SRD5A2: variants seen among roughly 807,000 people sequenced by gnomAD.
SRD5A2 encodes the protein steroid 5 alpha-reductase 2.
A neutral mutation model predicts 27.4 loss-of-function variants in SRD5A2; 30 were observed. The observed-to-expected ratio is 1.10, with a 90% CI of 0.82 to 1.49. The LOEUF (loss-of-function observed/expected upper bound fraction) is 1.49, where lower values mean the gene tolerates loss of function less well. Among genes scored for constraint, SRD5A2 ranks in the 40% most tolerant of loss-of-function variants. SRD5A2 has a pLI of 0.00. For missense variants in SRD5A2, 348 were observed against 323.4 expected (o/e 1.08, Z -0.58); for synonymous variants, 141 against 133.6 (o/e 1.06, Z -0.38).
intron 1 of SRD5A2, among the ~76,000 whole-genome samples, chr2:31,557,522 C>A (rs28383013): frequency 7.2e-5 from 11 of 151,912 alleles, no homozygotes; most frequent in Admixed American, 7.2e-4. Context: ...AGGGTTATAC[C>A]ATAGGAAAAA....
At chr2:31,529,816 T>G (rs975667909) in intron 3 of SRD5A2, among the ~76,000 whole-genome samples, 4 of 152,102 alleles carry the variant, frequency 2.6e-5, no homozygotes, top group Non-Finnish European at 5.9e-5. Flanking sequence ...ACCTCTTACC[T>G]CCCCGCTCCT....
At chr2:31,535,634 T>C (rs1572632818) in intron 1 of SRD5A2, among the ~76,000 whole-genome samples, 1 of 152,196 alleles carries the variant, frequency 6.6e-6, no homozygotes, top group African/African-American at 2.4e-5. Context: ...CCTTCACACC[T>C]GGACTCAGGT....
chr2:31,631,413 T>C, the SRD5A2 span, among the ~76,000 whole-genome samples: 1 of 152,130 alleles, frequency 6.6e-6, no homozygotes, highest in Non-Finnish European at 1.5e-5. Flanking sequence ...TAGAGGACAC[T>C]CTACGACTAA....
At chr2:31,660,243 C>G in the SRD5A2 span, among the ~76,000 whole-genome samples, 1 of 151,904 alleles carries the variant, frequency 6.6e-6, no homozygotes, top group African/African-American at 2.4e-5. Context: ...AGTTCAGGAG[C>G]TTGACAATAT....
At chr2:31,540,742 G>A (rs1257455842) in intron 1 of SRD5A2, among the ~76,000 whole-genome samples, 1 of 152,210 alleles carries the variant, frequency 6.6e-6, no homozygotes, top group Non-Finnish European at 1.5e-5. Context: ...TTAGCTCTTA[G>A]CACAGTAACA....
At chr2:31,649,780 T>C in the SRD5A2 span, among the ~76,000 whole-genome samples, 1 of 152,120 alleles carries the variant, frequency 6.6e-6, no homozygotes, top group South Asian at 2.1e-4. Flanking sequence ...TCCCAAGCCA[T>C]AGGATATTCA....
At chr2:31,609,680 G>C in the SRD5A2 span, among the ~76,000 whole-genome samples, 1 of 152,212 alleles carries the variant, frequency 6.6e-6, no homozygotes, top group Middle Eastern at 3.4e-3. Flanking sequence ...GAATACATAG[G>C]TGTAAATCTT....
rs1553322989 is a variant in SRD5A2 at position 31,526,106 on chromosome 2, G to GTATATAT, written c.*89_*90insATATATA. Reference sequence around the variant, plus strand: ...GGAGACCTACTATTACATATATACGGGACTATTATATCATGAAAATTACAG... The same window carrying GTATATAT: ...GGAGACCTACTATTACATATATACGGTATATATGACTATTATATCATGAAAATTACAG... On this transcript the variant is annotated 3_prime_UTR_variant, in exon 5 of 5. Transcript: ENST00000622030. 1.2e-6 allele frequency: 1 copy of GTATATAT among 806,600 alleles called. No homozygotes were observed. The highest frequency in any genetic ancestry group is 2.2e-5 in the African/African-American group (1 of 46,230). 50.0% of individuals were successfully genotyped at this position (806,600 alleles called of 1,614,324 possible). A position where few individuals can be genotyped will look rare whatever the true frequency, so the allele number is the denominator to read the frequency against.
At chr2:31,551,976 G>C (rs1666389630) in intron 1 of SRD5A2, among the ~76,000 whole-genome samples, 1 of 151,850 alleles carries the variant, frequency 6.6e-6, no homozygotes, top group African/African-American at 2.4e-5. Flanking sequence ...ACAATCCTCA[G>C]GATCTAGGAC....
upstream of SRD5A2, among the ~76,000 whole-genome samples, chr2:31,585,095 G>T (rs1667152931): frequency 6.6e-6 from 1 of 152,140 alleles, no homozygotes; most frequent in South Asian, 2.1e-4. Flanking sequence ...ACACATAAAG[G>T]GAGCATTCAA....
the SRD5A2 span, among the ~76,000 whole-genome samples, chr2:31,639,883 T>C: frequency 2.6e-5 from 4 of 152,096 alleles, no homozygotes; most frequent in African/African-American, 7.2e-5. Context: ...TTGATATTTA[T>C]ATTTTTAATT....
chr2:31,598,500 CA>C, the SRD5A2 span, among the ~76,000 whole-genome samples: 15 of 147,662 alleles, frequency 1.0e-4, no homozygotes, highest in East Asian at 5.9e-4. Context: ...AAGATAAAAA[CA>C]AAAAAAAAGA....
the SRD5A2 span, among the ~76,000 whole-genome samples, chr2:31,628,372 T>C: frequency 3.9e-5 from 6 of 152,296 alleles, no homozygotes; most frequent in African/African-American, 1.4e-4. Context: ...TTATTTCATG[T>C]ACAATGGGCC....
chr2:31,531,997 G>A (rs947057257), intron 2 of SRD5A2, among the ~76,000 whole-genome samples: 6 of 152,174 alleles, frequency 3.9e-5, no homozygotes, highest in Non-Finnish European at 5.9e-5. Context: ...GATAAAAGGT[G>A]CAGGCAAGAC....
chr2:31,590,289 C>A, the SRD5A2 span, among the ~76,000 whole-genome samples: 1 of 152,110 alleles, frequency 6.6e-6, no homozygotes, highest in Admixed American at 6.6e-5. Context: ...CAACACAGGG[C>A]AAGATTATAT....
the SRD5A2 span, among the ~76,000 whole-genome samples, chr2:31,598,931 T>C: frequency 6.6e-6 from 1 of 151,888 alleles, no homozygotes; most frequent in Non-Finnish European, 1.5e-5. Context: ...AGAAACACAC[T>C]TCACCTATAC....
intron 1 of SRD5A2, among the ~76,000 whole-genome samples, chr2:31,567,304 C>T (rs909581860): frequency 6.6e-6 from 1 of 152,088 alleles, no homozygotes; most frequent in Non-Finnish European, 1.5e-5. Context: ...TTCACAGAAA[C>T]TTTGAACAAT....
At position 31,525,008 on chromosome 2, in the gene SRD5A2, A is replaced by T. The variant is rs1370708510; in HGVS notation, c.*1188T>A. On this transcript the variant is annotated 3_prime_UTR_variant, in exon 5 of 5. Transcript: ENST00000622030. ...AAACTAGAATGCTAGAGTTTTATGAAGGAATCTCCTGATTTTTAAGTTTTT... is the reference window on the plus strand; with the variant it reads ...AAACTAGAATGCTAGAGTTTTATGATGGAATCTCCTGATTTTTAAGTTTTT... 3 of 217,900 alleles carry T rather than the reference A, an allele frequency of 1.4e-5. No homozygotes were observed. The highest frequency in any genetic ancestry group is 1.2e-4 in the Admixed American group (2 of 17,232). 13.5% of individuals were successfully genotyped at this position (217,900 alleles called of 1,614,324 possible). A position where few individuals can be genotyped will look rare whatever the true frequency, so the allele number is the denominator to read the frequency against.
the SRD5A2 span, among the ~76,000 whole-genome samples, chr2:31,613,168 G>C: frequency 3.3e-5 from 5 of 151,886 alleles, no homozygotes; most frequent in African/African-American, 1.2e-4. Context: ...TATACAAACG[G>C]GATTGTATCA....
Sources: allele counts gnomAD v4.1 joint callset (sites outside exome capture counted in the v4.1 genomes callset), GRCh38; gene constraint gnomAD v4.1.1; transcripts MANE v1.5; gene names NCBI Gene and HGNC (gene_info 2026-07-23, HGNC 2026-07-21).